Variants in MTUS2 observed in about 807,000 individuals in gnomAD.
MTUS2 encodes microtubule-associated tumor suppressor candidate 2.
MTUS2 carries 40 observed loss-of-function variants against 114.1 expected under a neutral mutation model. The ratio of observed to expected loss-of-function variants is 0.35; its 90% CI spans 0.27 to 0.46. The LOEUF is 0.46. Ranked by LOEUF, MTUS2 falls within the 20% of genes least tolerant of loss-of-function variation. The probability of loss-of-function intolerance (pLI) is 1.00; values close to 1 mark genes in which losing one functional copy is unlikely to be tolerated. For missense variants in MTUS2, 1,679 were observed against 1,705.4 expected (o/e 0.98, Z 0.27); for synonymous variants, 688 against 672.0 (o/e 1.02, Z -0.37).
chr13:29,057,849 T>C (rs890076890), intron 4 of MTUS2, among the ~76,000 whole-genome samples: 1 of 152,112 alleles, frequency 6.6e-6, no homozygotes, highest in East Asian at 1.9e-4. Context: ...GTGGTGTTAG[T>C]TGATTATTAT....
At chr13:29,090,418 G>T (rs574150074) in intron 4 of MTUS2, among the ~76,000 whole-genome samples, 1 of 152,152 alleles carries the variant, frequency 6.6e-6, no homozygotes, top group Non-Finnish European at 1.5e-5. Flanking sequence ...TGCTGGGGTC[G>T]TGGGGGCTGC....
intron 2 of MTUS2, among the ~76,000 whole-genome samples, chr13:28,899,398 A>T (rs547258940): frequency 1.3e-3 from 197 of 152,270 alleles, no homozygotes; most frequent in African/African-American, 4.5e-3. Flanking sequence ...AAGCTGTAAG[A>T]AATCGAGCTG....
intron 5 of MTUS2, among the ~76,000 whole-genome samples, chr13:29,274,344 T>C (rs1214655468): frequency 6.6e-6 from 1 of 152,132 alleles, no homozygotes; most frequent in Non-Finnish European, 1.5e-5. Context: ...TCTCCTGACC[T>C]TGTGATCTGC....
intron 5 of MTUS2, among the ~76,000 whole-genome samples, chr13:29,243,263 G>A (rs1005588064): frequency 1.5e-4 from 23 of 152,196 alleles, no homozygotes; most frequent in African/African-American, 5.5e-4. Context: ...GCACCAGTGT[G>A]CACAGGAAAG....
At chr13:29,113,866 G>C (rs1164289228) in intron 5 of MTUS2, among the ~76,000 whole-genome samples, 2 of 152,112 alleles carry the variant, frequency 1.3e-5, no homozygotes, top group Non-Finnish European at 2.9e-5. Flanking sequence ...CCCCAGTGTT[G>C]GAGGTGGGGC....
At chr13:29,472,115 C>T (rs986553303) in intron 9 of MTUS2, among the ~76,000 whole-genome samples, 1 of 152,182 alleles carries the variant, frequency 6.6e-6, no homozygotes, top group African/African-American at 2.4e-5. Context: ...ACCTCTGCCT[C>T]CCGAGTTCAA....
chr13:28,968,789 A>G (rs761575224), intron 2 of MTUS2, among the ~76,000 whole-genome samples: 5 of 152,174 alleles, frequency 3.3e-5, no homozygotes, highest in Admixed American at 6.5e-5. Flanking sequence ...TTCTACTTTC[A>G]TAATTTGTTT....
At chr13:28,965,492 T>C (rs1883537812) in intron 2 of MTUS2, among the ~76,000 whole-genome samples, 1 of 152,200 alleles carries the variant, frequency 6.6e-6, no homozygotes, top group South Asian at 2.1e-4. Flanking sequence ...ATGTTAAGAA[T>C]TCAGAAATGT....
intron 2 of MTUS2, among the ~76,000 whole-genome samples, chr13:28,954,455 A>G (rs1158287139): frequency 6.6e-6 from 1 of 152,226 alleles, no homozygotes; most frequent in Admixed American, 6.5e-5. Flanking sequence ...TTCTCTCATT[A>G]GTCCATGCAC....
At chr13:28,884,080 G>A (rs780075853) in intron 2 of MTUS2, among the ~76,000 whole-genome samples, 39 of 152,096 alleles carry the variant, frequency 2.6e-4, no homozygotes, top group Non-Finnish European at 5.4e-4. Context: ...TGGAAAGCAG[G>A]GATTCAAATA....
chr13:29,018,430 A>G (rs2138449111), intron 2 of MTUS2, among the ~76,000 whole-genome samples: 1 of 152,322 alleles, frequency 6.6e-6, no homozygotes, highest in Middle Eastern at 3.4e-3. Flanking sequence ...TGGATGAAGA[A>G]ATTCTATATG....
rs143945954 is a variant in MTUS2 at position 28,876,461 on chromosome 13, C to G, written c.-243+36611C>G. 2.3e-3 allele frequency among the ~76,000 whole-genome samples: 357 copies of G among 152,326 alleles called. 4 individuals are homozygous for G. The highest frequency in any genetic ancestry group is 8.2e-3 in the African/African-American group (341 of 41,572). ...TCATTTCCATGTGACTGTCCTGGCT[C>G]TCTTCTCCACATCCCCAAGCCATCC... On this transcript the variant is annotated intron_variant, in intron 2 of 15. Transcript: ENST00000612955.
At chr13:29,434,625 G>T (rs975166096) in intron 8 of MTUS2, among the ~76,000 whole-genome samples, 9 of 152,192 alleles carry the variant, frequency 5.9e-5, no homozygotes, top group Non-Finnish European at 1.0e-4. Context: ...AATTTGAGGA[G>T]TGGCACAGGT....
At chr13:29,491,945 G>A (rs1417586043) in intron 11 of MTUS2, among the ~76,000 whole-genome samples, 2 of 144,980 alleles carry the variant, frequency 1.4e-5, no homozygotes, top group Non-Finnish European at 3.0e-5. Context: ...GTGTGTGTGT[G>A]GCATGTAGTG....
intron 7 of MTUS2, among the ~76,000 whole-genome samples, chr13:29,344,355 G>A (rs1868456283): frequency 6.6e-6 from 1 of 151,986 alleles, no homozygotes; most frequent in Non-Finnish European, 1.5e-5. Context: ...TATACATTTA[G>A]GGTTGTGATA....
At position 29,473,235 on chromosome 13, in the gene MTUS2, G is replaced by C. The variant is rs148843565; in HGVS notation, c.3185-6915G>C. On this transcript the variant is annotated intron_variant, in intron 9 of 15. Coordinates refer to ENST00000612955, the MANE Select transcript of MTUS2 (RefSeq NM_001033602.4). ...TAAAGCATTTGCTATGACCTAAAAG[G>C]CCACATAATATTCTTATTTAAGATT... is the stretch of plus-strand genomic sequence containing the variant. 6.8e-3 allele frequency among the ~76,000 whole-genome samples: 1,035 copies of C among 152,052 alleles called. 11 individuals carry two copies. The highest frequency in any genetic ancestry group is 0.035 in the South Asian group (167 of 4,798).
chr13:29,408,300 A>G (rs974983991), intron 8 of MTUS2, among the ~76,000 whole-genome samples: 46 of 152,068 alleles, frequency 3.0e-4, no homozygotes, highest in Admixed American at 2.9e-3. Flanking sequence ...ATGTTTTAAC[A>G]TGTTTAATTT....
chr13:28,846,055 A>AAT (rs10684198), intron 2 of MTUS2, among the ~76,000 whole-genome samples: 55,018 of 142,846 alleles, frequency 0.39, 10,700 homozygotes, highest in Middle Eastern at 0.46. Flanking sequence ...TTAAAAAAAA[A>AAT]ATATATATAT....
chr13:29,208,208 T>A (rs1236758548), intron 5 of MTUS2, among the ~76,000 whole-genome samples: 3 of 152,230 alleles, frequency 2.0e-5, no homozygotes, highest in South Asian at 4.1e-4. Context: ...GTTTTCTACT[T>A]TGTGCATGTA....
Sources: allele counts gnomAD v4.1 joint callset (sites outside exome capture counted in the v4.1 genomes callset), GRCh38; gene constraint gnomAD v4.1.1; transcripts MANE v1.5; gene names NCBI Gene and HGNC (gene_info 2026-07-23, HGNC 2026-07-21).